The following PSMB2 variants were observed in gnomAD, a reference collection of about 807,000 sequenced individuals.
PSMB2 encodes the protein proteasome subunit beta type-2.
Under a neutral mutation model 25.7 loss-of-function variants are expected in PSMB2, and 13 were observed. The ratio of observed to expected loss-of-function variants is 0.51; its 90% confidence interval spans 0.33 to 0.80. The LOEUF is 0.80. PSMB2 is among the 30% of genes least tolerant of loss of function. The pLI is 0.02. For synonymous variants in PSMB2, 87 were observed against 96.2 expected (o/e 0.90, Z 0.56); for missense variants, 202 against 259.0 (o/e 0.78, Z 1.51).
At chr1:35,617,324 C>T (rs1428499736) in intron 3 of PSMB2, among the ~76,000 whole-genome samples, 2 of 152,084 alleles carry the variant, frequency 1.3e-5, no homozygotes, top group Non-Finnish European at 2.9e-5. Flanking sequence ...CTGGGATTAC[C>T]GGCATGACCC....
chr1:35,600,236 A>G lies in PSMB2; in HGVS notation c.*3031T>C. 1 of 985,424 alleles carries G rather than the reference A, an allele frequency of 1.0e-6. No individual in the cohort carries two copies. The highest frequency in any genetic ancestry group is 1.2e-6 in the Non-Finnish European group (1 of 829,894). 61.0% of individuals were successfully genotyped at this position (985,424 alleles called of 1,614,324 possible). On this transcript the variant is annotated 3_prime_UTR_variant, in exon 6 of 6. Coordinates refer to ENST00000373237, the MANE Select transcript of PSMB2 (RefSeq NM_002794.5). ...GGCCATGTAGAGACAGGAGATAAAG[A>G]ATGGCATAAAAATGATGCCCAGCTA...
At chr1:35,635,151 T>C (rs1320196251) in intron 2 of PSMB2, among the ~76,000 whole-genome samples, 4 of 151,116 alleles carry the variant, frequency 2.6e-5, no homozygotes, top group Admixed American at 6.6e-5. Context: ...CCCAGCTACT[T>C]GGGAGGCTGA....
chr1:35,635,268 A>G (rs1410950271), intron 2 of PSMB2, among the ~76,000 whole-genome samples: 1 of 151,896 alleles, frequency 6.6e-6, no homozygotes, highest in African/African-American at 2.4e-5. Context: ...TCAAAAAAAA[A>G]AAAAATTTTT....
intron 5 of PSMB2, 68 bp from the exon 6 acceptor site, chr1:35,603,442 T>C (rs1650066468): frequency 1.3e-6 from 2 of 1,557,642 alleles, no homozygotes; most frequent in Non-Finnish European, 1.8e-6. Flanking sequence ...GGCTCTGTTC[T>C]AGACACTGGG....
In PSMB2 at chr1:35,636,316, G is replaced by T; in HGVS notation, c.208C>A (p.Arg70=). 4 of 1,613,822 alleles carry T rather than the reference G, an allele frequency of 2.5e-6. No individual in the cohort carries two copies. Among genetic ancestry groups the T allele is most frequent in the Non-Finnish European group, 3.4e-6 (4 of 1,179,908 alleles). Residue 70 remains arginine, a synonymous_variant, in exon 2 of 6, where the codon CGA becomes AGA. Transcript: ENST00000373237. The stretch of plus-strand genomic sequence containing the variant: ...AACTGTAAGTCTTACCCACCATTTC[G>T]CATCTTATAAAGTTGCACGTTTTTC... ...IQKNVQLYKM[R]NGYELSPTAA...
intron 3 of PSMB2, among the ~76,000 whole-genome samples, chr1:35,626,814 G>A (rs78207314): frequency 0.018 from 2,794 of 152,264 alleles, 100 homozygotes; most frequent in African/African-American, 0.063. Flanking sequence ...CTTCTATGAT[G>A]ATGGATATGT....
intron 3 of PSMB2, among the ~76,000 whole-genome samples, chr1:35,626,981 G>A (rs1650882903): frequency 6.6e-6 from 1 of 152,054 alleles, no homozygotes; most frequent in African/African-American, 2.4e-5. Context: ...TGAATTTTAA[G>A]TTTTATTTAA....
intron 2 of PSMB2, 113 bp downstream of exon 2, chr1:35,636,197 A>T: frequency 7.3e-7 from 1 of 1,374,828 alleles, no homozygotes; most frequent in Non-Finnish European, 1.0e-6. Flanking sequence ...GACTTCTAAC[A>T]TCTAGAACTG....
At chr1:35,616,023 T>A (rs1650482120) in intron 3 of PSMB2, among the ~76,000 whole-genome samples, 1 of 152,200 alleles carries the variant, frequency 6.6e-6, no homozygotes, top group South Asian at 2.1e-4. Context: ...TCTTTAGCAC[T>A]GAGAGGATTT....
intron 4 of PSMB2, 146 bp downstream of exon 4, chr1:35,609,100 G>A: frequency 2.7e-6 from 2 of 728,728 alleles, no homozygotes; most frequent in Non-Finnish European, 4.0e-6. Flanking sequence ...ACAGAAGAGT[G>A]CAGCTTCCAG....
At chr1:35,630,864 A>G (rs1467927268) in intron 3 of PSMB2, among the ~76,000 whole-genome samples, 2 of 152,266 alleles carry the variant, frequency 1.3e-5, no homozygotes, top group African/African-American at 4.8e-5. Context: ...ATATAGGCTC[A>G]TCATTTGTGA....
intron 3 of PSMB2, among the ~76,000 whole-genome samples, chr1:35,624,605 T>C (rs1219052877): frequency 6.6e-6 from 1 of 151,132 alleles, no homozygotes; most frequent in Non-Finnish European, 1.5e-5. Flanking sequence ...ATACAAAAAT[T>C]AGCCAGGCAT....
At chr1:35,609,006 A>G (rs887171587) in intron 4 of PSMB2, among the ~76,000 whole-genome samples, 15 of 152,200 alleles carry the variant, frequency 9.9e-5, no homozygotes, top group African/African-American at 3.4e-4. Flanking sequence ...TCAAAACAAA[A>G]CCCAGCTCTA....
chr1:35,637,788 T>TCC (rs1651286582), intron 1 of PSMB2, among the ~76,000 whole-genome samples: 1 of 152,192 alleles, frequency 6.6e-6, no homozygotes, highest in Non-Finnish European at 1.5e-5. Flanking sequence ...ACAAACACAC[T>TCC]TTTATTTGTT....
rs546112642 is a variant in PSMB2 at position 35,619,032 on chromosome 1, C to T, written c.286-9624G>A. Among the ~76,000 whole-genome samples, 6 of 152,320 alleles carry T rather than the reference C, an allele frequency of 3.9e-5. No individual in the cohort carries two copies. In the East Asian group the frequency reaches 5.8e-4, roughly 15 times the overall value. On this transcript the variant is annotated intron_variant, in intron 3 of 5. Coordinates refer to ENST00000373237, the MANE Select transcript of PSMB2 (RefSeq NM_002794.5). ...CCAAGACAAAATAAAAGAAACACTG[C>T]TCTGAAAATGAGACTGTCTAAACAA...
At chr1:35,611,647 A>T (rs1650346528) in intron 3 of PSMB2, among the ~76,000 whole-genome samples, 1 of 152,084 alleles carries the variant, frequency 6.6e-6, no homozygotes, top group South Asian at 2.1e-4. Context: ...AACATGGTGA[A>T]ATATTGTCTC....
chr1:35,619,759 A>G (rs1471801292), intron 3 of PSMB2, among the ~76,000 whole-genome samples: 4 of 152,228 alleles, frequency 2.6e-5, no homozygotes, highest in African/African-American at 9.7e-5. Flanking sequence ...TCGTAATTAG[A>G]AGTTTAGAAA....
In PSMB2 at chr1:35,609,476, G is replaced by A. The variant is rs58604373; in HGVS notation, c.286-68C>T. The A allele has an allele frequency of 2.6e-4, 340 of 1,290,328 alleles. 4 individuals are homozygous for A. In the African/African-American group the frequency reaches 4.9e-3, roughly 19 times the overall value. The allele number at this position is 1,290,328 out of a possible 1,614,324, so 79.9% of individuals were successfully genotyped here. On this transcript the variant is annotated intron_variant, in intron 3 of 5. Coordinates refer to ENST00000373237, the MANE Select transcript of PSMB2 (RefSeq NM_002794.5). ...ACCAACATCTCTTCCCATGGCAAAT[G>A]AGAATATTCTGACTCTTCATGAGAA...
Position 35,603,068 on chromosome 1 carries a change from A to C in PSMB2, c.*199T>G, listed in dbSNP as rs1405511812. ...AGCAGGAAGAAAAGTCAGACCTGGCAAAAAGATCATCTTCCCTCCATATCC... is the reference window on the plus strand; with the variant it reads ...AGCAGGAAGAAAAGTCAGACCTGGCCAAAAGATCATCTTCCCTCCATATCC... On this transcript the variant is annotated 3_prime_UTR_variant, in exon 6 of 6. Transcript: ENST00000373237. The C allele has an allele frequency of 7.4e-7, 1 of 1,343,830 alleles. No homozygotes were observed. Among genetic ancestry groups the C allele is most frequent in the Non-Finnish European group, 9.5e-7 (1 of 1,048,000 alleles). 83.2% of individuals were successfully genotyped at this position (1,343,830 alleles called of 1,614,324 possible).
Sources: allele counts gnomAD v4.1 joint callset (sites outside exome capture counted in the v4.1 genomes callset), GRCh38; gene constraint gnomAD v4.1.1; transcripts MANE v1.5; gene names NCBI Gene and HGNC (gene_info 2026-07-23, HGNC 2026-07-21).